CCDC137: variants seen among roughly 807,000 people sequenced by gnomAD.
CCDC137 encodes coiled-coil domain-containing protein 137.
CCDC137 carries 24 observed loss-of-function variants against 30.4 expected under a neutral mutation model. The observed-to-expected ratio is 0.79, with a 90% CI of 0.57 to 1.11. CCDC137 has a LOEUF of 1.11. CCDC137 is among the 50% of genes least tolerant of loss of function. The pLI is 0.00. For missense variants in CCDC137, 417 were observed against 380.4 expected, an observed-to-expected ratio of 1.10 and a Z score of -0.80; for synonymous variants, 182 against 155.7, an observed-to-expected ratio of 1.17 and a Z score of -1.26.
chr17:81,673,462 C>G lies in CCDC137; in HGVS notation c.*758C>G, dbSNP rs774532233. ...ACAGGGCTCTGAGAGAGCCGGGAGG[C>G]CCAAAGTGGCTGGAAGAAGGTAAAG... On this transcript the variant is annotated 3_prime_UTR_variant, in exon 6 of 6. Transcript: ENST00000329214. 6.6e-6 allele frequency: 1 copy of G among 152,086 alleles called. No homozygotes were observed. Among genetic ancestry groups the G allele is most frequent in the East Asian group, 1.9e-4 (1 of 5,184 alleles). 9.4% of individuals were successfully genotyped at this position (152,086 alleles called of 1,614,324 possible). A position where few individuals can be genotyped will look rare whatever the true frequency, so the allele number is the denominator to read the frequency against.
In CCDC137 at chr17:81,672,555, C is replaced by G. The variant is rs1319889659; in HGVS notation, c.721C>G (p.Leu241Val). ...LLSPGGVSQP[L>V]TASLARQRIV... ...GAGCCCCGGTGGTGTGTCCCAGCCTCTGACCGCCTCCCTGGCCCGCCAGCG... is the reference window on the plus strand; with the variant it reads ...GAGCCCCGGTGGTGTGTCCCAGCCTGTGACCGCCTCCCTGGCCCGCCAGCG... Residue 241 changes from leucine (L) to valine (V), a missense_variant, in exon 6 of 6, where the codon CTG becomes GTG. By Grantham distance (32) the Leu-to-Val change is conservative. Coordinates refer to ENST00000329214, the MANE Select transcript of CCDC137 (RefSeq NM_199287.3). 5 of 1,572,290 alleles carry G rather than the reference C, an allele frequency of 3.2e-6. No homozygotes were observed. Among genetic ancestry groups the G allele is most frequent in the Admixed American group, 3.7e-5 (2 of 53,550 alleles).
rs774638123 is a variant in CCDC137, at chr17:81,670,306, G to A, written c.350G>A (p.Arg117Lys). Residue 117 changes from arginine (R) to lysine (K), a missense_variant, in exon 3 of 6, where the codon AGG becomes AAG. Coordinates refer to ENST00000329214, the MANE Select transcript of CCDC137 (RefSeq NM_199287.3). ...ATCGCAGTCCCCAAGTTCAAACAGAGGAAGGGGGAGTCTGACGGGGCCTAT... is the reference window on the plus strand; with the variant it reads ...ATCGCAGTCCCCAAGTTCAAACAGAAGAAGGGGGAGTCTGACGGGGCCTAT... The part of the protein sequence containing the change: ...PDIAVPKFKQ[R>K]KGESDGAYIH... 3.1e-6 allele frequency: 5 copies of A among 1,613,956 alleles called. No individual in the cohort carries two copies. The highest frequency in any genetic ancestry group is 3.3e-5 in the Admixed American group (2 of 59,994).
chr17:81,671,910 G>A (rs1389237725), intron 4 of CCDC137, 84 bp downstream of exon 4: 2 of 1,521,044 alleles, frequency 1.3e-6, no homozygotes, highest in East Asian at 2.3e-5. Context: ...AGCCCTGGCT[G>A]CACTGGGCAC....
At chr17:81,670,511 G>C in intron 3 of CCDC137, 58 bp downstream of exon 3, 1 of 1,472,498 alleles carries the variant, frequency 6.8e-7, no homozygotes, top group Non-Finnish European at 9.3e-7. Flanking sequence ...AAGACATTGG[G>C]TTCCCATGAC....
In CCDC137 at chr17:81,672,070, C is replaced by T. The variant is rs1250199022; in HGVS notation, c.581-6C>T. 6 of 1,614,076 alleles carry T rather than the reference C, an allele frequency of 3.7e-6. No individual in the cohort carries two copies. Among genetic ancestry groups the T allele is most frequent in the East Asian group, 2.2e-5 (1 of 44,880 alleles). ...AGCAGTCCTCAGTTGTATTCTGCTC[C>T]TCCAGACACGGTGAAGTTTGGTGAG... On this transcript the variant is annotated splice_region_variant and splice_polypyrimidine_tract_variant and intron_variant, in intron 4 of 5. Transcript: ENST00000329214.
intron 2 of CCDC137, 51 bp from the exon 3 acceptor site, chr17:81,670,174 G>T (rs1207473524): frequency 1.6e-5 from 23 of 1,434,358 alleles, no homozygotes; most frequent in Non-Finnish European, 2.1e-5. Context: ...TGGGTCACCT[G>T]CCTGCCACTG....
At chr17:81,670,724 G>A in intron 3 of CCDC137, among the ~76,000 whole-genome samples, 1 of 152,230 alleles carries the variant, frequency 6.6e-6, no homozygotes, top group East Asian at 1.9e-4. Flanking sequence ...GAAAGCCCTA[G>A]CCCTGTGGGA....
intron 1 of CCDC137, 52 bp from the exon 2 acceptor site, chr17:81,667,677 T>A (rs199703066): frequency 1.2e-6 from 2 of 1,602,698 alleles, no homozygotes; most frequent in East Asian, 2.2e-5. Flanking sequence ...TCTTACTGAT[T>A]CTGCTTGTGC....
intron 4 of CCDC137, 84 bp from the exon 5 acceptor site, chr17:81,671,988 TGGGA>T: frequency 6.7e-7 from 1 of 1,500,992 alleles, no homozygotes; most frequent in Non-Finnish European, 9.3e-7. Flanking sequence ...CCCAGCCCTA[TGGGA>T]GGGAGGTGGG....
chr17:81,670,256 G>T lies in CCDC137; in HGVS notation c.300G>T (p.Lys100Asn), dbSNP rs1244099623. The T allele has an allele frequency of 6.2e-7, 1 of 1,613,916 alleles. No homozygotes were observed. Among genetic ancestry groups the T allele is most frequent in the African/African-American group, 1.3e-5 (1 of 74,930 alleles). Reference sequence around the variant, plus strand: ...TGACCTTCAGAAAGACATTGGAGAAGGAAGCAAAGGGAGAGGAGCCCGACA... The same window carrying T: ...TGACCTTCAGAAAGACATTGGAGAATGAAGCAAAGGGAGAGGAGCCCGACA... ...AQVTFRKTLE[K>N]EAKGEEPDIA... Residue 100 changes from lysine (K) to asparagine (N), a missense_variant, in exon 3 of 6, where the codon AAG (lysine) becomes AAT (asparagine). Physicochemically the swap from Lys to Asn is moderately conservative, Grantham distance 94. Transcript: ENST00000329214.
At chr17:81,671,463 G>T in intron 3 of CCDC137, 1 of 439,546 alleles carries the variant, frequency 2.3e-6, no homozygotes, top group Non-Finnish European at 4.2e-6. Context: ...AGTAGCCCTT[G>T]CCCACGTGTC....
chr17:81,667,838 A>T lies in CCDC137; in HGVS notation c.244A>T (p.Ser82Cys). The T allele has an allele frequency of 1.9e-6, 3 of 1,611,958 alleles. No individual in the cohort carries two copies. Among genetic ancestry groups the T allele is most frequent in the Non-Finnish European group, 1.7e-6 (2 of 1,179,964 alleles). ...CCGCCAAGAGATGAAAAACCCGATC[A>T]GTAACAAGAAGAGGAAGAAAGCAGG... ...RSRQEMKNPI[S>C]NKKRKKAAQV... is the part of the protein sequence containing the mutation. Residue 82 changes from serine (S) to cysteine (C), a missense_variant, in exon 2 of 6, where the codon AGT becomes TGT. Coordinates refer to ENST00000329214, the MANE Select transcript of CCDC137 (RefSeq NM_199287.3).
Position 81,670,249 on chromosome 17 carries a change from T to G in CCDC137, c.293T>G (p.Leu98Trp), listed in dbSNP as rs2036700838. 6.2e-7 allele frequency: 1 copy of G among 1,613,836 alleles called. No homozygotes were observed. The highest frequency in any genetic ancestry group is 2.2e-5 in the East Asian group (1 of 44,878). Reference protein sequence around the residue: ...KAAQVTFRKTLEKEAKGEEPD... With the variant: ...KAAQVTFRKTWEKEAKGEEPD... The stretch of plus-strand genomic sequence containing the variant: ...GCCCAGGTGACCTTCAGAAAGACAT[T>G]GGAGAAGGAAGCAAAGGGAGAGGAG... Residue 98 changes from leucine (L) to tryptophan (W), a missense_variant, in exon 3 of 6, where the codon TTG (leucine) becomes TGG (tryptophan). Coordinates refer to ENST00000329214, the MANE Select transcript of CCDC137 (RefSeq NM_199287.3).
In CCDC137 at chr17:81,672,704, A is replaced by T. The variant is rs1392369211; in HGVS notation, c.870A>T (p.Ter290CysextTer34). 1 of 1,576,340 alleles carries T rather than the reference A, an allele frequency of 6.3e-7. No homozygotes were observed. The highest frequency in any genetic ancestry group is 8.6e-7 in the Non-Finnish European group (1 of 1,161,212). Residue 290 changes from the stop codon to cysteine, a stop_lost, in exon 6 of 6, where the codon TGA becomes TGT. Coordinates refer to ENST00000329214, the MANE Select transcript of CCDC137 (RefSeq NM_199287.3). ...TSRKKPEPQL[*>C] ...GGAAGAAGCCAGAGCCGCAGCTGTG[A>T]TGGAGAGACACCCGGGGCCTGGCCA...
rs2036743003 is a variant in CCDC137, at chr17:81,673,232, G to GACA, written c.*532_*534dup. On this transcript the variant is annotated 3_prime_UTR_variant, in exon 6 of 6. Coordinates refer to ENST00000329214, the MANE Select transcript of CCDC137 (RefSeq NM_199287.3). ...AGGTTTGGTTGGGGTGAAACATGATGACAACACATACACTTAAGAAGGTGG... is the reference window on the plus strand; with the variant it reads ...AGGTTTGGTTGGGGTGAAACATGATGACAACAACACATACACTTAAGAAGGTGG... 1.3e-5 allele frequency: 2 copies of GACA among 157,110 alleles called. No homozygotes were observed. The highest frequency in any genetic ancestry group is 2.8e-5 in the Non-Finnish European group (2 of 70,846). 9.7% of individuals were successfully genotyped at this position (157,110 alleles called of 1,614,324 possible).
At chr17:81,669,547 G>A (rs1053826055) in intron 2 of CCDC137, among the ~76,000 whole-genome samples, 1 of 152,176 alleles carries the variant, frequency 6.6e-6, no homozygotes, top group Non-Finnish European at 1.5e-5. Context: ...GTTCTCAGTG[G>A]ATGTCATAGG....
rs546690106 is a variant in CCDC137, at chr17:81,668,726, A to C, written c.268+864A>C. Among the ~76,000 whole-genome samples, 24 of 152,132 alleles carry C rather than the reference A, an allele frequency of 1.6e-4. No individual in the cohort carries two copies. In the East Asian group the frequency reaches 4.1e-3, roughly 26 times the overall value. On this transcript the variant is annotated intron_variant, in intron 2 of 5. Transcript: ENST00000329214. ...TTTATTTATTTATTTATTGAGATGG[A>C]GTCTTGCTTCCTCGCCCAGGCTGGA...
Position 81,673,027 on chromosome 17 carries a change from A to C in CCDC137, c.*323A>C. On this transcript the variant is annotated 3_prime_UTR_variant, in exon 6 of 6. Transcript: ENST00000329214. ...CTGTCCCTGAACACCAAATACCGAG[A>C]CAGCTGATGAGGCTGGCTCAGTGTG... 5.0e-6 allele frequency: 2 copies of C among 398,546 alleles called. No individual in the cohort carries two copies. The highest frequency in any genetic ancestry group is 9.2e-6 in the Non-Finnish European group (2 of 216,996). The allele number at this position is 398,546 out of a possible 1,614,324, so 24.7% of individuals were successfully genotyped here. A position where few individuals can be genotyped will look rare whatever the true frequency, so the allele number is the denominator to read the frequency against.
intron 2 of CCDC137, 60 bp downstream of exon 2, chr17:81,667,922 G>T (rs545526909): frequency 3.2e-6 from 5 of 1,569,962 alleles, no homozygotes; most frequent in South Asian, 2.3e-5. Context: ...CCGCCCAATC[G>T]CCCAAATACT....
Sources: gnomAD v4.1 joint callset for allele counts (sites outside exome capture counted in the v4.1 genomes callset) on GRCh38, gnomAD v4.1.1 for gene constraint, MANE v1.5 for transcripts, NCBI Gene and HGNC (gene_info 2026-07-23, HGNC 2026-07-21) for gene names.